SEPTIN7: variants seen among roughly 807,000 people sequenced by gnomAD.
SEPTIN7 encodes the protein septin 7, also known as septin-7.
Under a neutral mutation model 63.3 loss-of-function variants are expected in SEPTIN7, and 10 were observed. The ratio of observed to expected loss-of-function variants is 0.16; its 90% CI spans 0.10 to 0.27. The LOEUF (loss-of-function observed/expected upper bound fraction) is 0.27, where lower values mean the gene tolerates loss of function less well. Among genes scored for constraint, SEPTIN7 ranks in the 10% least tolerant of loss-of-function variants. SEPTIN7 has a pLI of 1.00. For synonymous variants in SEPTIN7, 131 were observed against 165.3 expected (o/e 0.79, Z 1.59); for missense variants, 310 against 521.0 (o/e 0.59, Z 3.94).
In SEPTIN7 at chr7:35,879,777, C is replaced by T. The variant is rs763737829; in HGVS notation, c.513-46C>T. 20 of 1,053,670 alleles carry T rather than the reference C, an allele frequency of 1.9e-5. No homozygotes were observed. The Admixed American group carries it at 3.6e-4, about 19-fold the overall frequency. The allele number at this position is 1,053,670 out of a possible 1,614,324, so 65.3% of individuals were successfully genotyped here. On this transcript the variant is annotated intron_variant, in intron 6 of 13. Transcript: ENST00000350320. ...CATTGGGGATGTGAAGAATCTTGTT[C>T]TCCCAAACTGATCAATTCAGTCAAA... is the stretch of plus-strand genomic sequence containing the variant.
chr7:35,801,219 A>T lies in SEPTIN7; in HGVS notation c.10A>T (p.Ser4Cys). The change falls in exon 1 of 14, where the codon AGT becomes TGT. Residue 4 changes from serine (S) to cysteine (C), a missense_variant. Physicochemically the swap from Ser to Cys is moderately radical, Grantham distance 112 (BLOSUM62 -1). Coordinates refer to ENST00000350320, the MANE Select transcript of SEPTIN7 (RefSeq NM_001788.6). MSV[S>C]ARSAAAEERS... ...CGGAGGGGGGGAGGGGATGTCGGTC[A>T]GTGCGAGATCCGCTGCTGCTGAGGA... The T allele has an allele frequency of 1.3e-6, 2 of 1,527,624 alleles. No individual in the cohort carries two copies. Among genetic ancestry groups the T allele is most frequent in the Middle Eastern group, 2.1e-4 (1 of 4,768 alleles). The allele number at this position is 1,527,624 out of a possible 1,614,324, so 94.6% of individuals were successfully genotyped here.
At chr7:35,804,129 C>T (rs1162877951) in intron 1 of SEPTIN7, among the ~76,000 whole-genome samples, 2 of 152,020 alleles carry the variant, frequency 1.3e-5, no homozygotes, top group East Asian at 3.9e-4. Flanking sequence ...CTGTTAAGTC[C>T]GTGTGGCTTT....
In SEPTIN7 at chr7:35,905,841, A is replaced by G. The variant is rs559696528; in HGVS notation, c.*1548A>G. 39 of 152,302 alleles carry G rather than the reference A, an allele frequency of 2.6e-4. 1 individual carries two copies. The highest frequency in any genetic ancestry group is 8.5e-4 in the Admixed American group (13 of 15,300). The allele number at this position is 152,302 out of a possible 1,614,324, so 9.4% of individuals were successfully genotyped here. The stretch of plus-strand genomic sequence containing the variant: ...TTTTAACTGTAAAGAGGGTAGTGTC[A>G]TTTCTTTTCTTAAGGTCAAGTGACA... On this transcript the variant is annotated 3_prime_UTR_variant, in exon 14 of 14. Transcript: ENST00000350320.
intron 1 of SEPTIN7, among the ~76,000 whole-genome samples, chr7:35,816,351 A>G (rs1035021462): frequency 6.6e-6 from 1 of 152,170 alleles, no homozygotes. Flanking sequence ...TGTGATGGGC[A>G]TCTTTCACTT....
downstream of SEPTIN7, among the ~76,000 whole-genome samples, chr7:35,909,762 G>A (rs575159951): frequency 2.6e-5 from 4 of 152,144 alleles, no homozygotes; most frequent in South Asian, 4.1e-4. Context: ...AAAATATCAC[G>A]GTGTGATTCC....
chr7:35,846,269 C>T (rs1583554078), intron 3 of SEPTIN7, among the ~76,000 whole-genome samples: 2 of 152,144 alleles, frequency 1.3e-5, no homozygotes, highest in East Asian at 1.9e-4. Flanking sequence ...TATCATAATA[C>T]GCTTAGCCTG....
intron 3 of SEPTIN7, among the ~76,000 whole-genome samples, chr7:35,854,187 C>G (rs1168799477): frequency 6.6e-6 from 1 of 152,140 alleles, no homozygotes; most frequent in African/African-American, 2.4e-5. Context: ...TGGTCCCAAG[C>G]ATTTTGGATA....
intron 1 of SEPTIN7, among the ~76,000 whole-genome samples, chr7:35,829,227 C>T (rs1012584912): frequency 2.0e-5 from 3 of 150,320 alleles, no homozygotes; most frequent in Non-Finnish European, 4.4e-5. Context: ...CTTCCACCCC[C>T]TAGGCAGGTT....
chr7:35,856,557 T>G (rs892943315), intron 3 of SEPTIN7, among the ~76,000 whole-genome samples: 4 of 152,214 alleles, frequency 2.6e-5, no homozygotes, highest in Non-Finnish European at 5.9e-5. Context: ...GCTTTTTACT[T>G]CTTAGAATGG....
chr7:35,817,251 A>T (rs974441014), intron 1 of SEPTIN7, among the ~76,000 whole-genome samples: 3 of 152,004 alleles, frequency 2.0e-5, no homozygotes, highest in Non-Finnish European at 4.4e-5. Flanking sequence ...GATAGGAGTC[A>T]TTCTTTTGTA....
At chr7:35,875,335 G>A (rs1415559073) in intron 6 of SEPTIN7, among the ~76,000 whole-genome samples, 3 of 151,918 alleles carry the variant, frequency 2.0e-5, no homozygotes, top group Admixed American at 6.6e-5. Context: ...TTGCCCTTTG[G>A]TACATGATAT....
intron 2 of SEPTIN7, among the ~76,000 whole-genome samples, chr7:35,832,290 G>C (rs1444008342): frequency 6.6e-6 from 1 of 152,054 alleles, no homozygotes; most frequent in Non-Finnish European, 1.5e-5. Flanking sequence ...GAGCCTTCAA[G>C]AGTTTATTTT....
In SEPTIN7 at chr7:35,898,588, G is replaced by A. The variant is rs879563120; in HGVS notation, c.1134+205G>A. On this transcript the variant is annotated intron_variant, in intron 12 of 13. Transcript: ENST00000350320. ...TACTTCAATATGCAAGTGCTTGGAC[G>A]TAGTATATTAGGTAGGACAGTGTAA... 96 of 460,256 alleles carry A rather than the reference G, an allele frequency of 2.1e-4. 1 individual carries two copies. Among genetic ancestry groups the A allele is most frequent in the Non-Finnish European group, 3.3e-4 (84 of 251,352 alleles). The allele number at this position is 460,256 out of a possible 1,614,324, so 28.5% of individuals were successfully genotyped here.
chr7:35,883,416 G>C (rs558325778), intron 8 of SEPTIN7, among the ~76,000 whole-genome samples: 1 of 152,096 alleles, frequency 6.6e-6, no homozygotes, highest in Admixed American at 6.6e-5. Context: ...GCTGAACATG[G>C]ATGAACACAA....
At chr7:35,888,916 A>AT in intron 10 of SEPTIN7, 1 of 288,888 alleles carries the variant, frequency 3.5e-6, no homozygotes, top group Admixed American at 4.1e-5. Flanking sequence ...CCACTTAGAG[A>AT]AACTGGTTCC....
intron 3 of SEPTIN7, among the ~76,000 whole-genome samples, chr7:35,857,613 T>C (rs1370264968): frequency 1.3e-5 from 2 of 152,222 alleles, no homozygotes; most frequent in African/African-American, 2.4e-5. Context: ...TCCCCTGATA[T>C]GTTAAATATC....
chr7:35,880,392 T>A (rs1277507082), intron 7 of SEPTIN7, among the ~76,000 whole-genome samples: 1 of 151,934 alleles, frequency 6.6e-6, no homozygotes, highest in African/African-American at 2.4e-5. Flanking sequence ...ACTGTGACTT[T>A]GCCAGCATTG....
At chr7:35,889,191 G>A (rs1209737458) in intron 10 of SEPTIN7, among the ~76,000 whole-genome samples, 5 of 152,216 alleles carry the variant, frequency 3.3e-5, no homozygotes, top group Non-Finnish European at 7.3e-5. Flanking sequence ...TTTGACGAGA[G>A]ATTGACAAAT....
chr7:35,838,481 C>T (rs1440024302), intron 3 of SEPTIN7: 4 of 149,690 alleles, frequency 2.7e-5, no homozygotes, highest in Admixed American at 1.3e-4. Context: ...GTCATCCTCT[C>T]CCCTCAGCCT....
Sources: allele counts gnomAD v4.1 joint callset (sites outside exome capture counted in the v4.1 genomes callset), GRCh38; gene constraint gnomAD v4.1.1; transcripts MANE v1.5; gene names NCBI Gene and HGNC (gene_info 2026-07-23, HGNC 2026-07-21).